The following DDAH1 variants were observed in gnomAD, a reference collection of about 807,000 sequenced individuals.
DDAH1 encodes the protein N(G),N(G)-dimethylarginine dimethylaminohydrolase 1.
In DDAH1, 19 loss-of-function variants were observed where a neutral mutation model predicts 28.8. That is an observed-to-expected ratio of 0.66 (90% CI 0.46 to 0.97). DDAH1 has a LOEUF of 0.97. Ranked by LOEUF, DDAH1 falls within the 50% of genes least tolerant of loss-of-function variation. The pLI is 0.00. For synonymous variants in DDAH1, 153 were observed against 154.4 expected (o/e 0.99, Z 0.07); for missense variants, 326 against 375.9 (o/e 0.87, Z 1.10).
At chr1:85,364,070 A>G (rs527901174) in intron 1 of DDAH1, among the ~76,000 whole-genome samples, 3 of 152,334 alleles carry the variant, frequency 2.0e-5, no homozygotes, top group African/African-American at 7.2e-5. Flanking sequence ...TCCAAAAAGA[A>G]GAAAGGGTAG....
intron 1 of DDAH1, among the ~76,000 whole-genome samples, chr1:85,498,423 T>C (rs906828157): frequency 3.3e-5 from 5 of 152,230 alleles, no homozygotes; most frequent in Non-Finnish European, 5.9e-5. Context: ...TGTTAACTTA[T>C]GTAGAAGTAT....
chr1:85,544,428 A>G (rs1570661980), intron 1 of DDAH1, among the ~76,000 whole-genome samples: 2 of 152,180 alleles, frequency 1.3e-5, no homozygotes, highest in East Asian at 1.9e-4. Context: ...TTTAAAGAAC[A>G]GCTAAATAAA....
intron 1 of DDAH1, among the ~76,000 whole-genome samples, chr1:85,519,561 A>T (rs1361871366): frequency 6.6e-6 from 1 of 152,238 alleles, no homozygotes; most frequent in Non-Finnish European, 1.5e-5. Flanking sequence ...AAGGAATTTT[A>T]AAATGATTAC....
chr1:85,333,618 C>T (rs1001187511), intron 4 of DDAH1, among the ~76,000 whole-genome samples: 2 of 149,976 alleles, frequency 1.3e-5, no homozygotes, highest in African/African-American at 4.9e-5. Context: ...AGAAATTCAC[C>T]AAGGAGATAG....
At chr1:85,577,803 T>A (rs868428515) in intron 1 of DDAH1, among the ~76,000 whole-genome samples, 156 of 151,854 alleles carry the variant, frequency 1.0e-3, no homozygotes, top group Non-Finnish European at 1.1e-3. Flanking sequence ...GACGTCCCCA[T>A]CTCTCAGCCC....
At position 85,563,948 on chromosome 1, in the gene DDAH1, CAGATCAAAAGGTCAGG is replaced by C. The variant is rs1659211614; in HGVS notation, c.-123+14020_-123+14035del. Among the ~76,000 whole-genome samples the C allele has an allele frequency of 2.0e-5, 3 of 152,248 alleles. No homozygotes were observed. The South Asian group carries it at 6.2e-4, about 32-fold the overall frequency. Reference sequence around the variant, plus strand: ...CAGCACTTTGGGAGGCCAAGTTGGGCAGATCAAAAGGTCAGGAGATCGAAACCATCCTGGTCAACAT... The same window carrying C: ...CAGCACTTTGGGAGGCCAAGTTGGGCAGATCGAAACCATCCTGGTCAACAT... On this transcript the variant is annotated intron_variant, in intron 1 of 6. Coordinates refer to the DDAH1 transcript ENST00000426972.
chr1:85,500,155 CTT>C (rs1557696379), intron 1 of DDAH1, among the ~76,000 whole-genome samples: 3,270 of 55,192 alleles, frequency 0.059, 97 homozygotes, highest in African/African-American at 0.13. Context: ...TCTTTTCTTT[CTT>C]TCTTTCTCTT....
intron 2 of DDAH1, among the ~76,000 whole-genome samples, chr1:85,482,813 G>C (rs1458690378): frequency 1.3e-5 from 2 of 152,056 alleles, no homozygotes; most frequent in East Asian, 3.9e-4. Context: ...TTTATCTGTG[G>C]GAATCCACCT....
At chr1:85,575,323 G>A (rs1160656984) in intron 1 of DDAH1, among the ~76,000 whole-genome samples, 2 of 152,236 alleles carry the variant, frequency 1.3e-5, no homozygotes, top group East Asian at 3.8e-4. Flanking sequence ...CATCAAGTAA[G>A]TGATGCTGAA....
intron 1 of DDAH1, among the ~76,000 whole-genome samples, chr1:85,575,395 T>C (rs1456967250): frequency 2.6e-5 from 4 of 152,206 alleles, no homozygotes; most frequent in Admixed American, 2.6e-4. Context: ...GAAGTAGGGA[T>C]TGCCTGAACA....
chr1:85,534,429 G>A (rs1402875170), intron 1 of DDAH1, among the ~76,000 whole-genome samples: 1 of 151,900 alleles, frequency 6.6e-6, no homozygotes, highest in Non-Finnish European at 1.5e-5. Context: ...TCTGAGTGTT[G>A]TGTGAAAAAA....
intron 1 of DDAH1, among the ~76,000 whole-genome samples, chr1:85,379,085 A>C (rs1486693239): frequency 1.3e-5 from 2 of 152,230 alleles, no homozygotes; most frequent in African/African-American, 2.4e-5. Flanking sequence ...TATTTCCATT[A>C]TGGTTTATCT....
At chr1:85,536,250 A>C (rs1658272496) in intron 1 of DDAH1, among the ~76,000 whole-genome samples, 1 of 151,964 alleles carries the variant, frequency 6.6e-6, no homozygotes, top group Non-Finnish European at 1.5e-5. Context: ...TAAAAATAAA[A>C]AAATAATAAA....
intron 1 of DDAH1, among the ~76,000 whole-genome samples, chr1:85,414,759 T>G (rs1652811666): frequency 6.6e-6 from 1 of 152,078 alleles, no homozygotes; most frequent in African/African-American, 2.4e-5. Context: ...TTATTGTTCT[T>G]TGAAAGTGGA....
intron 5 of DDAH1, 53 bp downstream of exon 5, chr1:85,324,687 A>C: frequency 6.2e-7 from 1 of 1,605,958 alleles, no homozygotes; most frequent in Non-Finnish European, 8.5e-7. Flanking sequence ...TTTATGAAAA[A>C]ATCCCCAGGG....
chr1:85,481,608 G>A (rs575315466), intron 2 of DDAH1, among the ~76,000 whole-genome samples: 1 of 152,112 alleles, frequency 6.6e-6, no homozygotes, highest in Non-Finnish European at 1.5e-5. Flanking sequence ...TTATTTTGTA[G>A]TAAGATATAG....
intron 1 of DDAH1, among the ~76,000 whole-genome samples, chr1:85,439,904 C>T (rs550449405): frequency 6.6e-6 from 1 of 152,308 alleles, no homozygotes; most frequent in African/African-American, 2.4e-5. Flanking sequence ...AATAAGACTA[C>T]AGCATTTTAA....
chr1:85,462,975 G>A (rs956927846), intron 1 of DDAH1, among the ~76,000 whole-genome samples: 2 of 152,190 alleles, frequency 1.3e-5, no homozygotes, highest in Admixed American at 1.3e-4. Flanking sequence ...GTGAATTTCA[G>A]GTAGATTAAT....
chr1:85,453,435 T>C (rs1654753667), intron 1 of DDAH1, among the ~76,000 whole-genome samples: 1 of 152,192 alleles, frequency 6.6e-6, no homozygotes, highest in African/African-American at 2.4e-5. Flanking sequence ...ATTTTTCCAG[T>C]CACAGCCACA....
Sources: gnomAD v4.1 joint callset for allele counts (sites outside exome capture counted in the v4.1 genomes callset) on GRCh38, gnomAD v4.1.1 for gene constraint, MANE v1.5 for transcripts, NCBI Gene and HGNC (gene_info 2026-07-23, HGNC 2026-07-21) for gene names.